The following BAZ1A variants were observed in gnomAD, a reference collection of about 807,000 sequenced individuals.
BAZ1A encodes the protein bromodomain adjacent to zinc finger domain 1A, also known as bromodomain adjacent to zinc finger domain protein 1A.
In BAZ1A, 50 loss-of-function variants were observed where a neutral mutation model predicts 185.2. That is an observed-to-expected ratio of 0.27 (90% CI 0.22 to 0.34). The LOEUF is 0.34. Ranked by LOEUF, BAZ1A falls within the 10% of genes least tolerant of loss-of-function variation. The pLI is 1.00. For synonymous variants in BAZ1A, 571 were observed against 615.6 expected, an observed-to-expected ratio of 0.93 and a Z score of 1.07; for missense variants, 1,356 against 1,839.9, an observed-to-expected ratio of 0.74 and a Z score of 4.81.
chr14:34,769,708 G>A (rs1879083487), intron 21 of BAZ1A, among the ~76,000 whole-genome samples: 1 of 152,190 alleles, frequency 6.6e-6, no homozygotes, highest in Non-Finnish European at 1.5e-5. Context: ...GAATCACAGT[G>A]TTAGTAGTAA....
chr14:34,871,807 G>A (rs1039269568), intron 2 of BAZ1A, among the ~76,000 whole-genome samples: 1 of 152,192 alleles, frequency 6.6e-6, no homozygotes, highest in African/African-American at 2.4e-5. Context: ...GGAGGCAGAG[G>A]TTGCAGTGAG....
At chr14:34,824,080 T>C (rs559614741) in intron 4 of BAZ1A, among the ~76,000 whole-genome samples, 30 of 151,116 alleles carry the variant, frequency 2.0e-4, no homozygotes, top group African/African-American at 6.3e-4. Flanking sequence ...TGGTTAATAG[T>C]AGCAAGTTGG....
rs774811292 is a variant in BAZ1A, at chr14:34,773,648, C to T, written c.3076G>A (p.Gly1026Arg). 11 of 1,613,266 alleles carry T rather than the reference C, an allele frequency of 6.8e-6. No individual in the cohort carries two copies. The highest frequency in any genetic ancestry group is 8.5e-6 in the Non-Finnish European group (10 of 1,179,640). ...TCTTCATTCACAGTTTTAATTATCC[C>T]ATTTTCCTTGTTTTCCTCACTTAAC... The part of the protein sequence containing the change: ...ELLSEENKEN[G>R]IIKTVNEDVE... Residue 1026 changes from glycine (G) to arginine (R), a missense_variant, in exon 20 of 27, where the codon GGG becomes AGG. Physicochemically the swap from Gly to Arg is moderately radical, Grantham distance 125 (BLOSUM62 -2). Transcript: ENST00000360310.
At chr14:34,767,624 G>A (rs563501495) in intron 21 of BAZ1A, among the ~76,000 whole-genome samples, 7 of 152,250 alleles carry the variant, frequency 4.6e-5, no homozygotes, top group Admixed American at 1.3e-4. Flanking sequence ...CATTGTGAGC[G>A]TTTTACTTAT....
At chr14:34,872,940 A>AC (rs2042974685) in intron 2 of BAZ1A, among the ~76,000 whole-genome samples, 2 of 135,766 alleles carry the variant, frequency 1.5e-5, no homozygotes, top group Non-Finnish European at 3.2e-5. Context: ...AAAAAAAAAA[A>AC]ACTTGTCCAA....
intron 12 of BAZ1A, among the ~76,000 whole-genome samples, chr14:34,787,080 TGC>T (rs1276048662): frequency 6.6e-6 from 1 of 151,856 alleles, no homozygotes; most frequent in African/African-American, 2.4e-5. Flanking sequence ...CCAGGCCAAG[TGC>T]GGTGGCTCAT....
Position 34,827,085 on chromosome 14 carries a change from ATCTC to A in BAZ1A, c.393-933_393-930del, listed in dbSNP as rs113281273. On this transcript the variant is annotated intron_variant, in intron 3 of 26. Coordinates refer to ENST00000360310, the MANE Select transcript of BAZ1A (RefSeq NM_013448.3). Reference sequence around the variant, plus strand: ...ATACTCTCTCCCCATCCCTTCTCCTATCTCTCTCTCTCTCTCGATAAATATCTCC... The same window carrying A: ...ATACTCTCTCCCCATCCCTTCTCCTATCTCTCTCTCTCGATAAATATCTCC... Among the ~76,000 whole-genome samples, 59 of 150,546 alleles carry A rather than the reference ATCTC, an allele frequency of 3.9e-4. No homozygotes were observed. In the South Asian group the frequency reaches 0.012, roughly 31 times the overall value.
At position 34,874,478 on chromosome 14, in the gene BAZ1A, G is replaced by T. The variant is rs781149796; in HGVS notation, c.113+14C>A. 6 of 1,608,380 alleles carry T rather than the reference G, an allele frequency of 3.7e-6. No individual in the cohort carries two copies. The highest frequency in any genetic ancestry group is 2.3e-5 in the East Asian group (1 of 44,444). On this transcript the variant is annotated intron_variant, in intron 2 of 26. Transcript: ENST00000360310. The surrounding 1 kb of genome is among the most constrained non-coding windows in gnomAD (Gnocchi z 4.7). ...CCACACCCCCCGCGGCCCCGCACAC[G>T]GCCCGGCTCTTACTCGTAGTGGCGG...
chr14:34,791,628 C>T (rs1294166668), intron 12 of BAZ1A, among the ~76,000 whole-genome samples: 1 of 152,188 alleles, frequency 6.6e-6, no homozygotes, highest in East Asian at 1.9e-4. Context: ...GTCAACAAAA[C>T]TATCTGACTG....
At chr14:34,775,048 C>T (rs551848032) in intron 18 of BAZ1A, among the ~76,000 whole-genome samples, 1 of 152,130 alleles carries the variant, frequency 6.6e-6, no homozygotes, top group East Asian at 1.9e-4. Flanking sequence ...AACCCTATCT[C>T]TACTAAAAAT....
intron 23 of BAZ1A, among the ~76,000 whole-genome samples, chr14:34,764,386 G>A (rs1300030487): frequency 1.4e-5 from 2 of 142,284 alleles, no homozygotes; most frequent in Non-Finnish European, 3.0e-5. Context: ...CTCCGCTCCC[G>A]GGTTCAAGCA....
chr14:34,816,700 A>G (rs770758006), intron 4 of BAZ1A: 5 of 213,398 alleles, frequency 2.3e-5, no homozygotes, highest in South Asian at 5.4e-5. Flanking sequence ...TCTAAAAGCA[A>G]CTACACAAAC....
At chr14:34,858,191 A>C (rs2042711646) in intron 3 of BAZ1A, among the ~76,000 whole-genome samples, 1 of 152,230 alleles carries the variant, frequency 6.6e-6, no homozygotes, top group South Asian at 2.1e-4. Context: ...TGTTGAGGCG[A>C]TGACTGAACT....
Position 34,802,999 on chromosome 14 carries a change from C to T in BAZ1A, c.727-11G>A. On this transcript the variant is annotated splice_polypyrimidine_tract_variant and intron_variant, in intron 6 of 26. Transcript: ENST00000360310. Reference sequence around the variant, plus strand: ...TGAAAGAGATGATGCCTTAATAAAACAAAGACATAGGGTACAATAATAACA... The same window carrying T: ...TGAAAGAGATGATGCCTTAATAAAATAAAGACATAGGGTACAATAATAACA... The T allele has an allele frequency of 6.2e-7, 1 of 1,602,902 alleles. No individual in the cohort carries two copies. The highest frequency in any genetic ancestry group is 1.7e-4 in the Middle Eastern group (1 of 6,036).
intron 2 of BAZ1A, among the ~76,000 whole-genome samples, chr14:34,868,757 A>C (rs1444253980): frequency 6.6e-6 from 1 of 150,444 alleles, no homozygotes; most frequent in African/African-American, 2.4e-5. Context: ...GCCGAGATGG[A>C]GCCACTGCAC....
chr14:34,773,849 A>C, intron 19 of BAZ1A, 123 bp from the exon 20 acceptor site: 1 of 1,060,062 alleles, frequency 9.4e-7, no homozygotes, highest in Non-Finnish European at 1.3e-6. Context: ...TGAATCAAAA[A>C]GGTATCTAAA....
intron 25 of BAZ1A, among the ~76,000 whole-genome samples, chr14:34,755,482 G>T (rs763836755): frequency 6.6e-6 from 1 of 151,800 alleles, no homozygotes. Context: ...CTCATTTCTG[G>T]GTGTCTACCG....
At chr14:34,818,961 G>A (rs2042044396) in intron 4 of BAZ1A, among the ~76,000 whole-genome samples, 1 of 151,742 alleles carries the variant, frequency 6.6e-6, no homozygotes, top group Non-Finnish European at 1.5e-5. Flanking sequence ...CTAATCCGGT[G>A]AAACCCCATC....
rs1172719652 is a variant in BAZ1A at position 34,791,191 on chromosome 14, C to T, written c.1510+1584G>A. Among the ~76,000 whole-genome samples, 4 of 151,756 alleles carry T rather than the reference C, an allele frequency of 2.6e-5. No homozygotes were observed. The South Asian group carries it at 6.2e-4, about 24-fold the overall frequency. ...TAGTAATGGCAATTCAAACACCAAC[C>T]ATTGCTTAATATATATTTTTCCTTT... On this transcript the variant is annotated intron_variant, in intron 12 of 26. Coordinates refer to ENST00000360310, the MANE Select transcript of BAZ1A (RefSeq NM_013448.3).
Sources: allele counts gnomAD v4.1 joint callset (sites outside exome capture counted in the v4.1 genomes callset), GRCh38; gene constraint gnomAD v4.1.1; non-coding constraint Gnocchi (gnomAD v3.1); transcripts MANE v1.5; gene names NCBI Gene and HGNC (gene_info 2026-07-23, HGNC 2026-07-21).